The following ARHGAP24 variants were observed in gnomAD, a reference collection of about 807,000 sequenced individuals.
ARHGAP24 encodes Rho GTPase activating protein 24, also known as rho GTPase-activating protein 24.
Under a neutral mutation model 76.4 loss-of-function variants are expected in ARHGAP24, and 50 were observed. The ratio of observed to expected loss-of-function variants is 0.65; its 90% CI spans 0.52 to 0.83. The LOEUF (loss-of-function observed/expected upper bound fraction) is 0.83, where lower values mean the gene tolerates loss of function less well. ARHGAP24 is among the 40% of genes least tolerant of loss of function. The pLI is 0.00. For missense variants in ARHGAP24, 930 were observed against 914.2 expected, an observed-to-expected ratio of 1.02 and a Z score of -0.22; for synonymous variants, 345 against 323.3, an observed-to-expected ratio of 1.07 and a Z score of -0.72.
intron 2 of ARHGAP24, among the ~76,000 whole-genome samples, chr4:85,709,167 T>G (rs530690490): frequency 6.6e-6 from 1 of 152,276 alleles, no homozygotes; most frequent in South Asian, 2.1e-4. Context: ...GCACTACCCT[T>G]CTGCCTTTCT....
At chr4:85,623,392 AG>A (rs1720796306) in intron 2 of ARHGAP24, among the ~76,000 whole-genome samples, 1 of 152,226 alleles carries the variant, frequency 6.6e-6, no homozygotes, top group Non-Finnish European at 1.5e-5. Flanking sequence ...GGTTTGTCAA[AG>A]ATCAGATAGT....
intron 3 of ARHGAP24, among the ~76,000 whole-genome samples, chr4:85,763,971 A>C (rs1237399377): frequency 6.6e-6 from 1 of 152,172 alleles, no homozygotes; most frequent in Non-Finnish European, 1.5e-5. Flanking sequence ...TATATTTTTA[A>C]TATCAATGTA....
chr4:85,792,036 G>A lies in ARHGAP24; in HGVS notation c.268+70064G>A, dbSNP rs569286744. Among the ~76,000 whole-genome samples, 5 of 152,248 alleles carry A rather than the reference G, an allele frequency of 3.3e-5. No homozygotes were observed. The South Asian group carries it at 1.0e-3, about 32-fold the overall frequency. ...CTGAAAAATTTGTGTTCTTGAAGAT[G>A]TATAGTAGAGAGCAGAAATATACAA... On this transcript the variant is annotated intron_variant, in intron 3 of 9. Transcript: ENST00000395184.
chr4:85,478,911 A>G (rs765936752), intron 1 of ARHGAP24, among the ~76,000 whole-genome samples: 5 of 152,178 alleles, frequency 3.3e-5, no homozygotes, highest in Non-Finnish European at 7.3e-5. Context: ...AATAATTTTT[A>G]TGTATTTCCC....
At chr4:85,861,402 T>A (rs1731889302) in intron 3 of ARHGAP24, among the ~76,000 whole-genome samples, 1 of 152,124 alleles carries the variant, frequency 6.6e-6, no homozygotes, top group Admixed American at 6.6e-5. Context: ...TTTGTAGATG[T>A]TAATCTTATC....
At chr4:85,721,200 A>G (rs1454687847) in intron 2 of ARHGAP24, among the ~76,000 whole-genome samples, 1 of 152,100 alleles carries the variant, frequency 6.6e-6, no homozygotes, top group Non-Finnish European at 1.5e-5. Context: ...GTTCGAGACT[A>G]GCCTGGCCAA....
At chr4:85,783,251 T>C (rs1727646470) in intron 3 of ARHGAP24, among the ~76,000 whole-genome samples, 4 of 152,160 alleles carry the variant, frequency 2.6e-5, no homozygotes. Context: ...TTGTTTTATA[T>C]CAATCAGAAC....
intron 2 of ARHGAP24, among the ~76,000 whole-genome samples, chr4:85,704,981 T>C (rs1425230112): frequency 1.3e-5 from 2 of 152,028 alleles, no homozygotes; most frequent in Non-Finnish European, 2.9e-5. Context: ...GTAGAAAAGA[T>C]GAGAGTTTCC....
intron 2 of ARHGAP24, among the ~76,000 whole-genome samples, chr4:85,689,630 C>T (rs1723556497): frequency 6.6e-6 from 1 of 152,172 alleles, no homozygotes; most frequent in South Asian, 2.1e-4. Flanking sequence ...CTCAAGTGAT[C>T]TGCCCTCCTC....
intron 3 of ARHGAP24, among the ~76,000 whole-genome samples, chr4:85,832,851 G>T (rs900452188): frequency 6.6e-6 from 1 of 152,148 alleles, no homozygotes; most frequent in Non-Finnish European, 1.5e-5. Context: ...GTTGTCATGG[G>T]CAGGGGTAGA....
At position 86,002,047 on chromosome 4, in the gene ARHGAP24, T is replaced by C. The variant is rs1289067868; in HGVS notation, c.*1325T>C. On this transcript the variant is annotated 3_prime_UTR_variant, in exon 10 of 10. Coordinates refer to ENST00000395184, the MANE Select transcript of ARHGAP24 (RefSeq NM_001025616.3). ...CCAGGGCTCTTTGGAGCTAGAGTTT[T>C]GGGAGAACAGTTCTTCACAATAAGG... is the stretch of plus-strand genomic sequence containing the variant. 1 of 152,212 alleles carries C rather than the reference T, an allele frequency of 6.6e-6. No homozygotes were observed. The highest frequency in any genetic ancestry group is 1.5e-5 in the Non-Finnish European group (1 of 68,018). The allele number at this position is 152,212 out of a possible 1,614,324, so 9.4% of individuals were successfully genotyped here. A position where few individuals can be genotyped will look rare whatever the true frequency, so the allele number is the denominator to read the frequency against.
intron 8 of ARHGAP24, among the ~76,000 whole-genome samples, chr4:85,989,321 A>G (rs1160599593): frequency 1.3e-5 from 2 of 151,628 alleles, no homozygotes; most frequent in Non-Finnish European, 3.0e-5. Context: ...TAAAAGATAC[A>G]AACCAAAGCT....
At chr4:85,549,683 C>T (rs1406532105) in intron 1 of ARHGAP24, among the ~76,000 whole-genome samples, 3 of 152,082 alleles carry the variant, frequency 2.0e-5, no homozygotes, top group Non-Finnish European at 4.4e-5. Context: ...TCAGGAGTTT[C>T]GTGTACAGAT....
chr4:85,837,969 A>G (rs1391230598), intron 3 of ARHGAP24, among the ~76,000 whole-genome samples: 1 of 152,118 alleles, frequency 6.6e-6, no homozygotes, highest in Non-Finnish European at 1.5e-5. Flanking sequence ...TTGAAAATGT[A>G]CTCCCAGCAT....
At chr4:85,562,144 T>C (rs1163906002) in intron 1 of ARHGAP24, among the ~76,000 whole-genome samples, 1 of 152,228 alleles carries the variant, frequency 6.6e-6, no homozygotes, top group Non-Finnish European at 1.5e-5. Flanking sequence ...AGTGTTTAAC[T>C]ATTAGATAGT....
At chr4:85,503,519 A>G (rs1439821839) in intron 1 of ARHGAP24, among the ~76,000 whole-genome samples, 1 of 151,824 alleles carries the variant, frequency 6.6e-6, no homozygotes, top group East Asian at 1.9e-4. Context: ...CGTTTATAGT[A>G]TTTTCTGATG....
chr4:85,670,858 T>A (rs1370133636), intron 2 of ARHGAP24, among the ~76,000 whole-genome samples: 1 of 152,228 alleles, frequency 6.6e-6, no homozygotes, highest in Non-Finnish European at 1.5e-5. Context: ...CCTATGAGCC[T>A]CAGGCAGTTC....
intron 3 of ARHGAP24, among the ~76,000 whole-genome samples, chr4:85,834,628 A>T (rs1730170050): frequency 1.3e-5 from 2 of 152,348 alleles, no homozygotes; most frequent in Non-Finnish European, 2.9e-5. Context: ...AACGGAGAGA[A>T]GATCTGTGAC....
intron 3 of ARHGAP24, among the ~76,000 whole-genome samples, chr4:85,746,400 C>G (rs971245078): frequency 6.6e-6 from 1 of 152,224 alleles, no homozygotes; most frequent in African/African-American, 2.4e-5. Flanking sequence ...CCCAGCTCCT[C>G]TACCAGCAAA....
Sources: allele counts gnomAD v4.1 joint callset (sites outside exome capture counted in the v4.1 genomes callset), GRCh38; gene constraint gnomAD v4.1.1; transcripts MANE v1.5; gene names NCBI Gene and HGNC (gene_info 2026-07-23, HGNC 2026-07-21).